C7: variants seen among roughly 807,000 people sequenced by gnomAD.
C7 encodes the protein complement component C7.
C7 carries 83 observed loss-of-function variants against 104.8 expected under a neutral mutation model. That is an observed-to-expected ratio of 0.79 (90% confidence interval 0.66 to 0.95). The LOEUF (loss-of-function observed/expected upper bound fraction) is 0.95. Ranked by LOEUF, C7 falls within the 40% of genes least tolerant of loss-of-function variation. The probability of loss-of-function intolerance (pLI) is 0.00; values close to 1 mark genes in which losing one functional copy is unlikely to be tolerated. For missense variants in C7, 1,070 were observed against 1,011.2 expected (o/e 1.06, Z -0.79); for synonymous variants, 415 against 360.6 (o/e 1.15, Z -1.71).
chr5:40,947,695 A>G lies in C7; in HGVS notation c.832A>G (p.Lys278Glu). The change falls in exon 8 of 18, where the codon AAG (lysine) becomes GAG (glutamate). Residue 278 changes from lysine to glutamate, a missense_variant. By Grantham distance (56) the Lys-to-Glu change is moderately conservative. Coordinates refer to ENST00000313164, the MANE Select transcript of C7 (RefSeq NM_000587.4). ...EFLQLAEPFW[K>E]ELSHLPSLYD... ...TTTACAACTTGCTGAGCCATTCTGG[A>G]AGGAGCTTTCCCACCTCCCCTCTCT... 6.2e-7 allele frequency: 1 copy of G among 1,613,726 alleles called. No individual in the cohort carries two copies. The highest frequency in any genetic ancestry group is 8.5e-7 in the Non-Finnish European group (1 of 1,179,762).
At chr5:40,920,888 A>C (rs1282810543) in intron 1 of C7, among the ~76,000 whole-genome samples, 1 of 152,124 alleles carries the variant, frequency 6.6e-6, no homozygotes, top group African/African-American at 2.4e-5. Flanking sequence ...ATCTCTACTA[A>C]AAATACAAAA....
intron 10 of C7, among the ~76,000 whole-genome samples, chr5:40,957,446 C>CTATTT (rs200502275): frequency 9.0e-4 from 137 of 151,884 alleles, no homozygotes; most frequent in Admixed American, 1.5e-3. Flanking sequence ...AATGAATGTC[C>CTATTT]TATTTTATTT....
chr5:40,922,373 T>A (rs1249719039), intron 1 of C7, among the ~76,000 whole-genome samples: 4 of 23,352 alleles, frequency 1.7e-4, no homozygotes, highest in African/African-American at 2.3e-4. Flanking sequence ...AGACTCTGTC[T>A]CAAAAAAAAA....
At chr5:40,942,916 C>A (rs1460155494) in intron 6 of C7, among the ~76,000 whole-genome samples, 1 of 152,128 alleles carries the variant, frequency 6.6e-6, no homozygotes, top group African/African-American at 2.4e-5. Flanking sequence ...AGGCACGCAC[C>A]ACCATGCCCA....
chr5:40,959,621 G>A lies in C7; in HGVS notation c.1661+1G>A. ...AAGATGAGGAGCTGGAGCACTTGAG[G>A]TAATGGAGACCCGACCCCCTGGCAG... On this transcript the variant is annotated splice_donor_variant, in intron 12 of 17. Transcript: ENST00000313164. LOFTEE classifies it high-confidence loss of function. 1 of 1,581,550 alleles carries A rather than the reference G, an allele frequency of 6.3e-7. No homozygotes were observed. Among genetic ancestry groups the A allele is most frequent in the South Asian group, 1.2e-5 (1 of 85,736 alleles).
chr5:40,922,940 A>C (rs1345214321), intron 1 of C7, among the ~76,000 whole-genome samples: 1 of 152,194 alleles, frequency 6.6e-6, no homozygotes, highest in Non-Finnish European at 1.5e-5. Context: ...GTAAGATCTC[A>C]AAAACACAGA....
chr5:40,924,593 C>T (rs1739513612), intron 1 of C7, among the ~76,000 whole-genome samples: 1 of 152,178 alleles, frequency 6.6e-6, no homozygotes, highest in Non-Finnish European at 1.5e-5. Flanking sequence ...GTAGAGGTTC[C>T]CTGTGAGGGC....
chr5:40,910,636 G>T (rs1438966512), intron 1 of C7, among the ~76,000 whole-genome samples: 1 of 151,952 alleles, frequency 6.6e-6, no homozygotes, highest in Non-Finnish European at 1.5e-5. Flanking sequence ...GCAGATAGAG[G>T]TCATTATCCT....
chr5:40,966,906 A>G (rs1225597189), intron 14 of C7, among the ~76,000 whole-genome samples: 2 of 152,112 alleles, frequency 1.3e-5, no homozygotes, highest in Non-Finnish European at 2.9e-5. Context: ...GCAGAAACAA[A>G]TGAAATAGAA....
At chr5:40,928,681 A>G (rs1579843547) in intron 2 of C7, 46 bp downstream of exon 2, 1 of 1,233,958 alleles carries the variant, frequency 8.1e-7, no homozygotes, top group Non-Finnish European at 1.2e-6. Flanking sequence ...AATTTAAAAA[A>G]TGTTTTAGTA....
rs372551834 is a variant in C7 at position 40,978,873 on chromosome 5, ATTTTTTTTTTTT to A, written c.2166-839_2166-828del. On this transcript the variant is annotated intron_variant, in intron 16 of 17. Coordinates refer to ENST00000313164, the MANE Select transcript of C7 (RefSeq NM_000587.4). ...GAGGAAGGTAACACATTTTATGGAA[ATTTTTTTTTTTT>A]TTTTTTTTTTTTGGGACACAGTTTC... is the stretch of plus-strand genomic sequence containing the variant. Among the ~76,000 whole-genome samples the A allele has an allele frequency of 2.4e-4, 19 of 80,084 alleles. 1 individual carries two copies. Among genetic ancestry groups the A allele is most frequent in the Admixed American group, 9.2e-4 (6 of 6,540 alleles). 52.5% of individuals were successfully genotyped at this position (80,084 alleles called of 152,430 possible).
intron 17 of C7, among the ~76,000 whole-genome samples, chr5:40,980,839 C>T (rs947760594): frequency 6.6e-6 from 1 of 152,208 alleles, no homozygotes; most frequent in African/African-American, 2.4e-5. Context: ...GTTAGGTGGT[C>T]ACCATTGTCT....
chr5:40,950,853 G>A (rs1434762738), intron 9 of C7, among the ~76,000 whole-genome samples: 2 of 152,172 alleles, frequency 1.3e-5, no homozygotes, highest in African/African-American at 2.4e-5. Context: ...TGGAGATGGG[G>A]GGAAGGTGGT....
At chr5:40,937,317 T>C (rs1728430118) in intron 5 of C7, 3 of 285,598 alleles carry the variant, frequency 1.1e-5, no homozygotes, top group South Asian at 1.3e-4. Context: ...GGAAAGAATG[T>C]TGGATTTTCT....
At chr5:40,981,311 C>A in intron 17 of C7, 81 bp from the exon 18 acceptor site, 1 of 1,324,270 alleles carries the variant, frequency 7.6e-7, no homozygotes, top group Non-Finnish European at 1.1e-6. Flanking sequence ...CTGATCACCA[C>A]ATTATTACTT....
At chr5:40,981,013 C>T (rs943261098) in intron 17 of C7, among the ~76,000 whole-genome samples, 1 of 152,158 alleles carries the variant, frequency 6.6e-6, no homozygotes, top group Admixed American at 6.5e-5. Flanking sequence ...AAGTTAAGTT[C>T]TCTTTTTTTC....
At chr5:40,911,071 G>T (rs1357926807) in intron 1 of C7, 3 of 152,032 alleles carry the variant, frequency 2.0e-5, no homozygotes, top group South Asian at 2.1e-4. Context: ...ACATATAGGG[G>T]CTTTCCAGCA....
At chr5:40,916,749 C>T (rs562706733) in intron 1 of C7, among the ~76,000 whole-genome samples, 7 of 151,516 alleles carry the variant, frequency 4.6e-5, no homozygotes, top group Non-Finnish European at 7.4e-5. Flanking sequence ...TAATTTATTT[C>T]TTTTAACTGA....
chr5:40,930,687 C>T (rs193294586), intron 2 of C7, among the ~76,000 whole-genome samples: 49 of 152,030 alleles, frequency 3.2e-4, no homozygotes, highest in Admixed American at 1.8e-3. Flanking sequence ...CTCAGCCTCC[C>T]GGGTAGCTGA....
Sources: gnomAD v4.1 joint callset for allele counts (sites outside exome capture counted in the v4.1 genomes callset) on GRCh38, gnomAD v4.1.1 for gene constraint, MANE v1.5 for transcripts, NCBI Gene and HGNC (gene_info 2026-07-23, HGNC 2026-07-21) for gene names.